The following IFRD1 variants were observed in gnomAD, a reference collection of about 807,000 sequenced individuals.
The protein encoded by IFRD1 is interferon-related developmental regulator 1.
A neutral mutation model predicts 52.9 loss-of-function variants in IFRD1; 35 were observed. That is an observed-to-expected ratio of 0.66 (90% CI 0.51 to 0.88). The LOEUF is 0.88. IFRD1 is among the 40% of genes least tolerant of loss of function. The pLI is 0.00. For missense variants in IFRD1, 517 were observed against 550.8 expected, an observed-to-expected ratio of 0.94 and a Z score of 0.61; for synonymous variants, 184 against 188.4, an observed-to-expected ratio of 0.98 and a Z score of 0.19.
Position 112,455,843 on chromosome 7 carries a change from G to A in IFRD1, c.175G>A (p.Asp59Asn), listed in dbSNP as rs139029166. 27 of 1,610,456 alleles carry A rather than the reference G, an allele frequency of 1.7e-5. No individual in the cohort carries two copies. The highest frequency in any genetic ancestry group is 1.3e-4 in the African/African-American group (10 of 74,836). Residue 59 changes from aspartate to asparagine, a missense_variant, in exon 2 of 12, where the codon GAT becomes AAT. Asp to Asn is a conservative substitution (Grantham distance 23). Transcript: ENST00000403825. ...ETMSHCSGYS[D>N]PSSFAEDGPE... is the part of the protein sequence containing the mutation. ...AATGAGCCATTGCAGTGGTTATAGC[G>A]ATCCTTCCAGTTTTGCTGAAGATGG...
chr7:112,462,070 A>G lies in IFRD1; in HGVS notation c.688A>G (p.Thr230Ala), dbSNP rs767417437. 6.2e-7 allele frequency: 1 copy of G among 1,613,360 alleles called. No individual in the cohort carries two copies. The highest frequency in any genetic ancestry group is 1.7e-5 in the Admixed American group (1 of 59,942). The change falls in exon 7 of 12, where the codon ACT (threonine) becomes GCT (alanine). Residue 230 changes from threonine (T) to alanine (A), a missense_variant. By Grantham distance (58) the Thr-to-Ala change is moderately conservative. Transcript: ENST00000403825. ...ATCCTATCTCAAAGAGAAAGACACT[A>G]CTGTTATTTGCAGCACTCCTAATAC... ...TKSYLKEKDT[T>A]VICSTPNTVL... is the part of the protein sequence containing the mutation.
At chr7:112,425,480 C>T (rs1563253567) in intron 1 of IFRD1, among the ~76,000 whole-genome samples, 1 of 152,182 alleles carries the variant, frequency 6.6e-6, no homozygotes, top group Non-Finnish European at 1.5e-5. Context: ...TCTCCTCCTG[C>T]CCTTGGACAT....
chr7:112,450,852 G>A (rs1479904566), intron 1 of IFRD1, 70 bp downstream of exon 1: 6 of 1,069,080 alleles, frequency 5.6e-6, no homozygotes, highest in East Asian at 2.4e-5. Flanking sequence ...GCTTCGGCAC[G>A]GTGGGAGTTG....
At chr7:112,461,370 GCTT>G (rs1795427326) in intron 5 of IFRD1, 3 of 152,568 alleles carry the variant, frequency 2.0e-5, no homozygotes, top group African/African-American at 7.3e-5. Context: ...TAGAGGGTAG[GCTT>G]CTTTAGCTCA....
rs1199356150 is a variant in IFRD1 at position 112,461,606 on chromosome 7, A to G, written c.568-260A>G. ...TGCATGCTTTTGATTTTATGGATCA[A>G]TAAAAGAAGACTGAAGAGGAACAGA... is the stretch of plus-strand genomic sequence containing the variant. On this transcript the variant is annotated intron_variant, in intron 5 of 11. Transcript: ENST00000403825. 2.4e-5 allele frequency: 6 copies of G among 248,096 alleles called. No homozygotes were observed. The East Asian group carries it at 4.3e-4, about 18-fold the overall frequency. 15.4% of individuals were successfully genotyped at this position (248,096 alleles called of 1,614,324 possible).
chr7:112,451,869 C>A (rs1342639992), intron 1 of IFRD1, among the ~76,000 whole-genome samples: 1 of 152,140 alleles, frequency 6.6e-6, no homozygotes, highest in East Asian at 1.9e-4. Context: ...TCTGCCACGG[C>A]TGCCACTCAG....
intron 5 of IFRD1, 69 bp from the exon 6 acceptor site, chr7:112,461,797 A>T (rs1187747387): frequency 4.7e-6 from 4 of 848,576 alleles, no homozygotes; most frequent in Non-Finnish European, 7.3e-6. Flanking sequence ...GAATTATAAA[A>T]GCAGGAAGAT....
chr7:112,454,857 GTTTTTTTTTT>G (rs398005875), intron 1 of IFRD1, among the ~76,000 whole-genome samples: 9 of 78,808 alleles, frequency 1.1e-4, no homozygotes, highest in African/African-American at 2.5e-4. Context: ...CTTCATATCA[GTTTTTTTTTT>G]TTTTTTTTTT....
intron 1 of IFRD1, among the ~76,000 whole-genome samples, chr7:112,441,276 A>AC (rs1311789624): frequency 1.3e-5 from 2 of 151,230 alleles, no homozygotes; most frequent in Non-Finnish European, 3.0e-5. Flanking sequence ...TCCTGTCTTA[A>AC]AAAAAACAAA....
At chr7:112,440,486 C>T (rs1308158701) in intron 1 of IFRD1, among the ~76,000 whole-genome samples, 1 of 152,164 alleles carries the variant, frequency 6.6e-6, no homozygotes, top group Non-Finnish European at 1.5e-5. Context: ...ACGGTCAATT[C>T]AGTTTGGCAT....
intron 8 of IFRD1, among the ~76,000 whole-genome samples, chr7:112,466,058 T>C (rs1169278341): frequency 6.6e-6 from 1 of 152,128 alleles, no homozygotes. Context: ...CCCTGTTGTG[T>C]AGTAATGACT....
At chr7:112,450,915 A>G (rs1335200142) in intron 1 of IFRD1, 133 bp downstream of exon 1, 3 of 716,178 alleles carry the variant, frequency 4.2e-6, no homozygotes, top group East Asian at 2.5e-5. Context: ...TGGTTTGGCT[A>G]CTGAACTACA....
At chr7:112,425,019 T>C (rs1584459760) in intron 1 of IFRD1, among the ~76,000 whole-genome samples, 1 of 152,142 alleles carries the variant, frequency 6.6e-6, no homozygotes, top group East Asian at 1.9e-4. Flanking sequence ...TTTTGTTTTT[T>C]TGAGATAGCA....
intron 1 of IFRD1, chr7:112,437,433 A>G (rs1418987460): frequency 6.6e-6 from 1 of 152,256 alleles, no homozygotes; most frequent in Non-Finnish European, 1.5e-5. Context: ...GTATATCAAT[A>G]CCATGTGCCA....
At chr7:112,468,281 T>C (rs763422862) in intron 9 of IFRD1, among the ~76,000 whole-genome samples, 166 bp downstream of exon 9, 1 of 151,990 alleles carries the variant, frequency 6.6e-6, no homozygotes, top group Non-Finnish European at 1.5e-5. Context: ...TTTTTTTTTT[T>C]CAAAACAAAA....
At chr7:112,436,424 T>G (rs76056932) in intron 1 of IFRD1, among the ~76,000 whole-genome samples, 1,925 of 152,280 alleles carry the variant, frequency 0.013, 47 homozygotes, top group African/African-American at 0.045. Context: ...ATTAGGGATA[T>G]TCACTATCAA....
rs7467 is a variant in IFRD1 at position 112,476,143 on chromosome 7, G to A, written c.*624G>A. 49,098 of 152,188 alleles carry A rather than the reference G, an allele frequency of 0.32. 8,100 individuals are homozygous for A. The highest frequency in any genetic ancestry group is 0.52 in the Middle Eastern group (152 of 294). 9.4% of individuals were successfully genotyped at this position (152,188 alleles called of 1,614,324 possible). A position where few individuals can be genotyped will look rare whatever the true frequency, so the allele number is the denominator to read the frequency against. On this transcript the variant is annotated 3_prime_UTR_variant, in exon 12 of 12. Transcript: ENST00000403825. ...GTAACACTGATTTTATCTGCTGTAT[G>A]AGACTTTGTGCATTTTACTTTGAAA...
intron 1 of IFRD1, among the ~76,000 whole-genome samples, chr7:112,429,276 T>C (rs1160992068): frequency 6.6e-6 from 1 of 152,236 alleles, no homozygotes; most frequent in African/African-American, 2.4e-5. Flanking sequence ...AAGAAACCAC[T>C]GGCCTATGCA....
At chr7:112,431,773 C>A (rs1794552688) in intron 1 of IFRD1, among the ~76,000 whole-genome samples, 1 of 152,158 alleles carries the variant, frequency 6.6e-6, no homozygotes, top group Non-Finnish European at 1.5e-5. Flanking sequence ...AAAGGGGCTA[C>A]CAAGTATTCT....
Sources: allele counts gnomAD v4.1 joint callset (sites outside exome capture counted in the v4.1 genomes callset), GRCh38; gene constraint gnomAD v4.1.1; transcripts MANE v1.5; gene names NCBI Gene and HGNC (gene_info 2026-07-23, HGNC 2026-07-21).